CPPED1: variants seen among roughly 807,000 people sequenced by gnomAD.
CPPED1 encodes serine/threonine-protein phosphatase CPPED1.
A neutral mutation model predicts 28.0 loss-of-function variants in CPPED1; 28 were observed. The observed-to-expected ratio is 1.00, with a 90% CI of 0.74 to 1.37. The LOEUF (loss-of-function observed/expected upper bound fraction) is 1.37. Ranked by LOEUF, CPPED1 falls within the 40% of genes most tolerant of loss-of-function variation. The pLI is 0.00. For missense variants in CPPED1, 504 were observed against 416.5 expected, an observed-to-expected ratio of 1.21 and a Z score of -1.83; for synonymous variants, 198 against 180.2, an observed-to-expected ratio of 1.10 and a Z score of -0.79.
chr16:12,785,516 C>A (rs1026587458), intron 1 of CPPED1, among the ~76,000 whole-genome samples: 1 of 151,706 alleles, frequency 6.6e-6, no homozygotes, highest in East Asian at 1.9e-4. Context: ...CAATCTCTGC[C>A]TCCCAAGCTC....
Position 12,661,565 on chromosome 16 carries a change from T to C in CPPED1, c.*3321A>G, listed in dbSNP as rs2079794755. On this transcript the variant is annotated 3_prime_UTR_variant, in exon 4 of 4. Transcript: ENST00000381774. ...TTAAAAAACCTTCCCCCGTAACATG[T>C]CCTTGTGTTTTTGTTTTTTCCTCCA... 1 of 152,194 alleles carries C rather than the reference T, an allele frequency of 6.6e-6. No individual in the cohort carries two copies. 9.4% of individuals were successfully genotyped at this position (152,194 alleles called of 1,614,324 possible). A position where few individuals can be genotyped will look rare whatever the true frequency, so the allele number is the denominator to read the frequency against.
At chr16:12,752,430 TTCTC>T (rs1174451193) in intron 2 of CPPED1, among the ~76,000 whole-genome samples, 2 of 152,036 alleles carry the variant, frequency 1.3e-5, no homozygotes, top group Non-Finnish European at 2.9e-5. Flanking sequence ...CCTCACTTAA[TTCTC>T]TCTAACGGCC....
intron 2 of CPPED1, among the ~76,000 whole-genome samples, chr16:12,738,144 C>T (rs2080236687): frequency 6.6e-6 from 1 of 152,072 alleles, no homozygotes; most frequent in Non-Finnish European, 1.5e-5. Context: ...AAGAGCAGCC[C>T]AGTAAAGGAT....
chr16:12,750,122 C>T (rs2080318038), intron 2 of CPPED1, among the ~76,000 whole-genome samples: 1 of 152,178 alleles, frequency 6.6e-6, no homozygotes, highest in African/African-American at 2.4e-5. Context: ...GATCTTCCAT[C>T]CCGACCACTA....
intron 2 of CPPED1, among the ~76,000 whole-genome samples, chr16:12,756,337 A>G (rs1430161535): frequency 1.3e-5 from 2 of 152,148 alleles, no homozygotes; most frequent in Non-Finnish European, 1.5e-5. Flanking sequence ...ATCTGCAACA[A>G]TGCTGCATCT....
chr16:12,740,793 A>G (rs1379074578), intron 2 of CPPED1, among the ~76,000 whole-genome samples: 1 of 152,174 alleles, frequency 6.6e-6, no homozygotes, highest in Admixed American at 6.5e-5. Flanking sequence ...GCAGGAAAGG[A>G]GAGCACAGAG....
chr16:12,781,261 G>A lies in CPPED1; in HGVS notation c.213C>T (p.Ala71=), dbSNP rs776501530. 5.6e-6 allele frequency: 9 copies of A among 1,613,974 alleles called. No individual in the cohort carries two copies. The highest frequency in any genetic ancestry group is 3.3e-5 in the South Asian group (3 of 91,076). Residue 71 remains alanine (A), a synonymous_variant, in exon 2 of 4, where the codon GCC becomes GCT. Transcript: ENST00000381774. The part of the protein sequence containing the change: ...WEQEIRLTEQ[A]VQAINKLNPK... ...GGTTCAGCTTGTTGATGGCCTGGAC[G>A]GCTTGCTCAGTTAGACGGATCTCCT... is the stretch of plus-strand genomic sequence containing the variant.
chr16:12,798,414 C>T (rs2141247910), intron 1 of CPPED1, among the ~76,000 whole-genome samples: 1 of 152,316 alleles, frequency 6.6e-6, no homozygotes, highest in Non-Finnish European at 1.5e-5. Context: ...ACAATATTTT[C>T]AACTTTGTTC....
chr16:12,718,502 G>A (rs1362150382), intron 2 of CPPED1, among the ~76,000 whole-genome samples: 1 of 142,788 alleles, frequency 7.0e-6, no homozygotes, highest in African/African-American at 2.6e-5. Context: ...TTGTGCCACT[G>A]CATTGCAGCC....
intron 1 of CPPED1, among the ~76,000 whole-genome samples, chr16:12,785,011 T>C (rs983904551): frequency 2.6e-5 from 4 of 152,190 alleles, no homozygotes; most frequent in African/African-American, 9.7e-5. Flanking sequence ...ACCTTACTTA[T>C]CTAATGAGGT....
intron 2 of CPPED1, chr16:12,759,320 T>A (rs1020715928): frequency 2.0e-5 from 3 of 152,056 alleles, no homozygotes; most frequent in African/African-American, 7.3e-5. Context: ...ACAATAACAA[T>A]GCTGGGATCC....
At chr16:12,666,602 A>C (rs2079827169) in intron 3 of CPPED1, among the ~76,000 whole-genome samples, 1 of 152,128 alleles carries the variant, frequency 6.6e-6, no homozygotes, top group Non-Finnish European at 1.5e-5. Flanking sequence ...GGCTGATTTC[A>C]AGTTGCCAAG....
intron 3 of CPPED1, among the ~76,000 whole-genome samples, chr16:12,691,014 A>G (rs1163650478): frequency 6.6e-6 from 1 of 152,132 alleles, no homozygotes; most frequent in African/African-American, 2.4e-5. Flanking sequence ...TGCCATCAGC[A>G]CCCGTGCCCA....
intron 2 of CPPED1, among the ~76,000 whole-genome samples, chr16:12,721,070 G>A (rs764482540): frequency 1.3e-5 from 2 of 152,106 alleles, no homozygotes; most frequent in African/African-American, 2.4e-5. Context: ...ACAATTTATC[G>A]TTTACTGGGA....
chr16:12,775,752 T>C (rs963554182), intron 2 of CPPED1, among the ~76,000 whole-genome samples: 2 of 152,212 alleles, frequency 1.3e-5, no homozygotes, highest in African/African-American at 4.8e-5. Context: ...TGGAAACAGA[T>C]GAACAAGAGT....
chr16:12,763,556 C>T (rs1275020115), intron 2 of CPPED1, among the ~76,000 whole-genome samples: 1 of 152,108 alleles, frequency 6.6e-6, no homozygotes, highest in African/African-American at 2.4e-5. Context: ...ATTCTAAGCA[C>T]TTTTATAGAT....
In CPPED1 at chr16:12,664,598, T is replaced by C. The variant is rs2079814465; in HGVS notation, c.*288A>G. ...AATACAATCCAATTCAAAAGTGGAGTTGAGAAACACAGCATTAGGAGAATT... is the reference window on the plus strand; with the variant it reads ...AATACAATCCAATTCAAAAGTGGAGCTGAGAAACACAGCATTAGGAGAATT... On this transcript the variant is annotated 3_prime_UTR_variant, in exon 4 of 4. Coordinates refer to ENST00000381774, the MANE Select transcript of CPPED1 (RefSeq NM_018340.3). This position sits in a 1 kb window ranked among gnomAD's most constrained non-coding sequence, Gnocchi z 4.2. 3 of 1,208,108 alleles carry C rather than the reference T, an allele frequency of 2.5e-6. No individual in the cohort carries two copies. The highest frequency in any genetic ancestry group is 2.1e-6 in the Non-Finnish European group (2 of 971,686). 74.8% of individuals were successfully genotyped at this position (1,208,108 alleles called of 1,614,324 possible).
chr16:12,708,286 T>G (rs2865611), intron 2 of CPPED1, among the ~76,000 whole-genome samples: 77,333 of 151,972 alleles, frequency 0.51, 20,157 homozygotes, highest in Admixed American at 0.61. Context: ...GGTTGGTCTC[T>G]TGCCCCTTAC....
chr16:12,722,083 T>C (rs1437906141), intron 2 of CPPED1, among the ~76,000 whole-genome samples: 4 of 152,150 alleles, frequency 2.6e-5, no homozygotes, highest in Admixed American at 2.0e-4. Context: ...CTAATCCCTA[T>C]TCCCTGAAGG....
Sources: allele counts gnomAD v4.1 joint callset (sites outside exome capture counted in the v4.1 genomes callset), GRCh38; gene constraint gnomAD v4.1.1; non-coding constraint Gnocchi (gnomAD v3.1); transcripts MANE v1.5; gene names NCBI Gene and HGNC (gene_info 2026-07-23, HGNC 2026-07-21).